LRPPRC: variants seen among roughly 807,000 people sequenced by gnomAD.
LRPPRC encodes leucine-rich PPR motif-containing protein, mitochondrial.
LRPPRC carries 120 observed loss-of-function variants against 180.3 expected under a neutral mutation model. The observed-to-expected ratio is 0.67, with a 90% CI of 0.57 to 0.77. The LOEUF is 0.77. LRPPRC is among the 30% of genes least tolerant of loss of function. LRPPRC has a pLI of 0.00. For missense variants in LRPPRC, 2,012 were observed against 1,657.2 expected (o/e 1.21, Z -3.72); for synonymous variants, 723 against 600.0 (o/e 1.21, Z -3.00).
At chr2:43,889,690 A>G (rs1190067722) in intron 37 of LRPPRC, 44 bp downstream of exon 37, 24 of 1,438,048 alleles carry the variant, frequency 1.7e-5, no homozygotes, top group Non-Finnish European at 2.3e-5. Context: ...AAGTGCACAT[A>G]AATCTGCAGA....
chr2:43,934,754 C>G lies in LRPPRC; in HGVS notation c.2629G>C (p.Ala877Pro). The G allele has an allele frequency of 6.2e-7, 1 of 1,612,732 alleles. No individual in the cohort carries two copies. The highest frequency in any genetic ancestry group is 8.5e-7 in the Non-Finnish European group (1 of 1,178,886). Reference sequence around the variant, plus strand: ...ATTAAGATACTAGAAAGTGACTCACCTTTCTGAATTAGATCAGTCTCGCCT... The same window carrying G: ...ATTAAGATACTAGAAAGTGACTCACGTTTCTGAATTAGATCAGTCTCGCCT... ...EKGETDLIQK[A>P]MDFVSQEQGE... The change falls in exon 24 of 38, where the codon GCA (alanine) becomes CCA (proline). Residue 877 changes from alanine to proline, a missense_variant and splice_region_variant. Physicochemically the swap from Ala to Pro is conservative, Grantham distance 27 (BLOSUM62 -1). Transcript: ENST00000260665.
chr2:43,896,707 C>G lies in LRPPRC; in HGVS notation c.3827G>C (p.Arg1276Thr). The change falls in exon 35 of 38, where the codon AGA (arginine) becomes ACA (threonine). Residue 1276 changes from arginine (R) to threonine (T), a missense_variant and splice_region_variant. Arg to Thr is a moderately conservative substitution (Grantham distance 71). Coordinates refer to ENST00000260665, the MANE Select transcript of LRPPRC (RefSeq NM_133259.4). ...KVDDARALLQ[R>T]CGAIAEQTPI... The stretch of plus-strand genomic sequence containing the variant: ...GGTTTGTTCAGCAATTGCACCACAT[C>G]TCTAAAAATTAAAACATTATTCAGT... 1 of 1,591,524 alleles carries G rather than the reference C, an allele frequency of 6.3e-7. No individual in the cohort carries two copies. The highest frequency in any genetic ancestry group is 1.1e-5 in the South Asian group (1 of 90,572).
chr2:43,977,949 C>T (rs1279121835), intron 3 of LRPPRC, among the ~76,000 whole-genome samples: 1 of 152,126 alleles, frequency 6.6e-6, no homozygotes. Context: ...TATTCAACTG[C>T]CTGTGACCAT....
chr2:43,890,253 T>C (rs1444374779), intron 36 of LRPPRC: 1 of 428,868 alleles, frequency 2.3e-6, no homozygotes, highest in Admixed American at 3.1e-5. Context: ...AAAACCACTG[T>C]GAAATCAAGA....
rs768998728 is a variant in LRPPRC at position 43,976,256 on chromosome 2, T to C, written c.651-27A>G. ...TGCAAAGGAAAAACGAAGATACTCA[T>C]TGAAAGTATTTATAAGAACACTCTT... On this transcript the variant is annotated intron_variant, in intron 5 of 37. Transcript: ENST00000260665. The C allele has an allele frequency of 8.1e-6, 10 of 1,235,732 alleles. No individual in the cohort carries two copies. In the Middle Eastern group the frequency reaches 5.6e-4, roughly 70 times the overall value. The allele number at this position is 1,235,732 out of a possible 1,614,324, so 76.5% of individuals were successfully genotyped here.
chr2:43,970,623 G>C (rs1302252349), intron 11 of LRPPRC, among the ~76,000 whole-genome samples: 3 of 152,158 alleles, frequency 2.0e-5, no homozygotes, highest in Non-Finnish European at 2.9e-5. Context: ...TGAGAAAGTT[G>C]ATCAATCTAG....
intron 36 of LRPPRC, chr2:43,892,923 C>A (rs1320233217): frequency 6.6e-6 from 1 of 152,068 alleles, no homozygotes; most frequent in Non-Finnish European, 1.5e-5. Flanking sequence ...TTCTAGATGC[C>A]ATTAAGAACA....
In LRPPRC at chr2:43,887,286, C is replaced by A. The variant is rs1670302839; in HGVS notation, c.*1314G>T. The stretch of plus-strand genomic sequence containing the variant: ...GGCCATGCCCCCTGCTTCCTTAAAT[C>A]TAACGCCACAAAAAGAGTTGAAGTA... On this transcript the variant is annotated 3_prime_UTR_variant, in exon 38 of 38. Transcript: ENST00000260665. The A allele has an allele frequency of 6.6e-6, 1 of 152,124 alleles. No homozygotes were observed. Among genetic ancestry groups the A allele is most frequent in the South Asian group, 2.1e-4 (1 of 4,824 alleles). 9.4% of individuals were successfully genotyped at this position (152,124 alleles called of 1,614,324 possible).
chr2:43,904,160 T>C (rs542647515), intron 31 of LRPPRC, among the ~76,000 whole-genome samples: 1 of 152,208 alleles, frequency 6.6e-6, no homozygotes, highest in South Asian at 2.1e-4. Flanking sequence ...CAGGCTGGTC[T>C]TGAACTCCTG....
intron 23 of LRPPRC, among the ~76,000 whole-genome samples, chr2:43,941,469 A>G (rs1316152999): frequency 6.6e-6 from 1 of 152,184 alleles, no homozygotes; most frequent in Non-Finnish European, 1.5e-5. Flanking sequence ...TTGCCAGATG[A>G]GCTCATACCT....
intron 29 of LRPPRC, among the ~76,000 whole-genome samples, chr2:43,917,555 C>T (rs1572915590): frequency 6.6e-6 from 1 of 151,826 alleles, no homozygotes; most frequent in South Asian, 2.1e-4. Flanking sequence ...TTTGGGAGGC[C>T]GAGGTGGGCA....
chr2:43,942,186 C>CTT (rs1391372144), intron 23 of LRPPRC, among the ~76,000 whole-genome samples: 4 of 152,144 alleles, frequency 2.6e-5, no homozygotes, highest in Non-Finnish European at 5.9e-5. Context: ...TTGTAAGATA[C>CTT]TTTTCTACGA....
intron 27 of LRPPRC, among the ~76,000 whole-genome samples, 199 bp downstream of exon 27, chr2:43,924,868 G>C (rs916194146): frequency 2.6e-5 from 4 of 152,152 alleles, no homozygotes; most frequent in African/African-American, 9.7e-5. Context: ...AAGAATGTCA[G>C]AAATTATGAA....
Position 43,979,879 on chromosome 2 carries a change from A to C in LRPPRC, c.416T>G (p.Leu139Arg), listed in dbSNP as rs1426666294. The C allele has an allele frequency of 1.2e-6, 2 of 1,613,194 alleles. No homozygotes were observed. The stretch of plus-strand genomic sequence containing the variant: ...ATGAGCAAATTCTGTTCTCTCTTCA[A>C]GCTTTAGTTCAGGCAAGAGAGAACC... ...SCGSLLPELK[L>R]EERTEFAHRI... is the part of the protein sequence containing the mutation. Residue 139 changes from leucine (L) to arginine (R), a missense_variant, in exon 3 of 38, where the codon CTT becomes CGT. By Grantham distance (102) the Leu-to-Arg change is moderately radical (BLOSUM62 -2). Coordinates refer to ENST00000260665, the MANE Select transcript of LRPPRC (RefSeq NM_133259.4).
intron 29 of LRPPRC, among the ~76,000 whole-genome samples, chr2:43,915,477 A>C (rs1671433694): frequency 6.6e-6 from 1 of 152,044 alleles, no homozygotes; most frequent in African/African-American, 2.4e-5. Flanking sequence ...CGAAGTCAGG[A>C]ATTTGAGATC....
chr2:43,925,124 G>C lies in LRPPRC; in HGVS notation c.2839C>G (p.Gln947Glu), dbSNP rs927634434. The C allele has an allele frequency of 4.4e-6, 7 of 1,601,946 alleles. No individual in the cohort carries two copies. The highest frequency in any genetic ancestry group is 6.0e-6 in the Non-Finnish European group (7 of 1,169,152). The part of the protein sequence containing the change: ...ETLEKLVELT[Q>E]KLFECDRDQM... ...TCTCTATCACATTCAAATAGCTTCT[G>C]TGTCAGCTCCACTAATTTTTCCAGA... The change falls in exon 27 of 38, where the codon CAG (glutamine) becomes GAG (glutamate). Residue 947 changes from glutamine (Q) to glutamate (E), a missense_variant. Coordinates refer to ENST00000260665, the MANE Select transcript of LRPPRC (RefSeq NM_133259.4).
Position 43,905,793 on chromosome 2 carries a change from G to T in LRPPRC, c.3276-13C>A, listed in dbSNP as rs1471709134. On this transcript the variant is annotated splice_polypyrimidine_tract_variant and intron_variant, in intron 30 of 37. Coordinates refer to ENST00000260665, the MANE Select transcript of LRPPRC (RefSeq NM_133259.4). ...GTGGGTCTCCGCGCTAAAAGAAGCA[G>T]ACATTTAGAAAGGAATTACTGACAT... 3.9e-6 allele frequency: 6 copies of T among 1,551,066 alleles called. No individual in the cohort carries two copies. Among genetic ancestry groups the T allele is most frequent in the Non-Finnish European group, 5.3e-6 (6 of 1,122,478 alleles).
intron 34 of LRPPRC, among the ~76,000 whole-genome samples, chr2:43,897,593 A>T (rs565829558): frequency 6.6e-6 from 1 of 152,194 alleles, no homozygotes; most frequent in South Asian, 2.1e-4. Flanking sequence ...CAGGTAAAGG[A>T]TGGGTGAAGG....
chr2:43,908,654 T>C (rs1447877812), intron 30 of LRPPRC, among the ~76,000 whole-genome samples: 1 of 151,790 alleles, frequency 6.6e-6, no homozygotes. Flanking sequence ...CCTGAGTAAC[T>C]GGAATTACAT....
Sources: gnomAD v4.1 joint callset for allele counts (sites outside exome capture counted in the v4.1 genomes callset) on GRCh38, gnomAD v4.1.1 for gene constraint, MANE v1.5 for transcripts, NCBI Gene and HGNC (gene_info 2026-07-23, HGNC 2026-07-21) for gene names.